Variants in RETREG1 observed in about 807,000 individuals in gnomAD.
RETREG1 encodes reticulophagy regulator 1.
In RETREG1, 44 loss-of-function variants were observed where a neutral mutation model predicts 54.8. The ratio of observed to expected loss-of-function variants is 0.80; its 90% CI spans 0.63 to 1.03. The LOEUF (loss-of-function observed/expected upper bound fraction) is 1.03, where lower values mean the gene tolerates loss of function less well. Among genes scored for constraint, RETREG1 ranks in the 50% least tolerant of loss-of-function variants. The pLI is 0.00. For missense variants in RETREG1, 554 were observed against 605.1 expected (o/e 0.92, Z 0.89); for synonymous variants, 217 against 238.5 (o/e 0.91, Z 0.83).
intron 3 of RETREG1, among the ~76,000 whole-genome samples, chr5:16,522,844 A>T (rs1740578401): frequency 6.6e-6 from 1 of 152,060 alleles, no homozygotes; most frequent in Non-Finnish European, 1.5e-5. Flanking sequence ...ATCTCTTCAA[A>T]AATTTTAAAA....
chr5:16,616,040 TAAA>T (rs1445772387), intron 1 of RETREG1: 1 of 152,212 alleles, frequency 6.6e-6, no homozygotes, highest in Non-Finnish European at 1.5e-5. Context: ...GTACTTCACC[TAAA>T]AATATGCCTG....
In RETREG1 at chr5:16,594,396, A is replaced by G. The variant is rs1463994723; in HGVS notation, c.320+22256T>C. On this transcript the variant is annotated intron_variant, in intron 1 of 8. Coordinates refer to ENST00000306320, the MANE Select transcript of RETREG1 (RefSeq NM_001034850.3). The surrounding 1 kb of genome is among the most constrained non-coding windows in gnomAD (Gnocchi z 4.4). Reference sequence around the variant, plus strand: ...TTGTTAAATATCTTTAAATATGTAGACAACTTTTATAAGAAAAAAAGTTAA... The same window carrying G: ...TTGTTAAATATCTTTAAATATGTAGGCAACTTTTATAAGAAAAAAAGTTAA... 6.6e-6 allele frequency among the ~76,000 whole-genome samples: 1 copy of G among 152,196 alleles called. No individual in the cohort carries two copies. The highest frequency in any genetic ancestry group is 2.4e-5 in the African/African-American group (1 of 41,440).
chr5:16,532,379 G>T (rs1740941932), intron 3 of RETREG1, among the ~76,000 whole-genome samples: 1 of 152,154 alleles, frequency 6.6e-6, no homozygotes. Flanking sequence ...GCAAACATTT[G>T]CTGGGCATGG....
rs1019824042 is a variant in RETREG1, at chr5:16,474,628, A to C, written c.*113T>G. 12 of 1,315,472 alleles carry C rather than the reference A, an allele frequency of 9.1e-6. No homozygotes were observed. The African/African-American group carries it at 1.5e-4, about 16-fold the overall frequency. The allele number at this position is 1,315,472 out of a possible 1,614,324, so 81.5% of individuals were successfully genotyped here. ...GCAGGAGGGAAAATAAAACAAATCT[A>C]AAGTAATCATTAAAGCTTACAGTTC... On this transcript the variant is annotated 3_prime_UTR_variant, in exon 9 of 9. Coordinates refer to ENST00000306320, the MANE Select transcript of RETREG1 (RefSeq NM_001034850.3).
chr5:16,550,451 C>G (rs1415956744), intron 3 of RETREG1, among the ~76,000 whole-genome samples: 3 of 152,156 alleles, frequency 2.0e-5, no homozygotes, highest in Non-Finnish European at 4.4e-5. Context: ...CGTCAATTTT[C>G]CAATATTTAT....
At chr5:16,525,832 C>T (rs987998591) in intron 3 of RETREG1, among the ~76,000 whole-genome samples, 4 of 151,938 alleles carry the variant, frequency 2.6e-5, no homozygotes, top group Non-Finnish European at 5.9e-5. Flanking sequence ...GAAGTCTGCA[C>T]GGTAGGCCAA....
chr5:16,517,991 T>G (rs1740412301), intron 3 of RETREG1, among the ~76,000 whole-genome samples: 1 of 151,458 alleles, frequency 6.6e-6, no homozygotes, highest in Non-Finnish European at 1.5e-5. Context: ...CTAATATAGT[T>G]AGTAAAAGAG....
intron 3 of RETREG1, chr5:16,508,768 C>T (rs1284579582): frequency 2.0e-6 from 3 of 1,499,386 alleles, no homozygotes; most frequent in African/African-American, 1.4e-5. Flanking sequence ...AAAAAAAGTG[C>T]TCCTCCCTTA....
intron 3 of RETREG1, among the ~76,000 whole-genome samples, chr5:16,550,103 CA>C (rs948718237): frequency 1.3e-5 from 2 of 152,186 alleles, no homozygotes; most frequent in Non-Finnish European, 1.5e-5. Context: ...TAACCTTCAA[CA>C]GAACTAATAA....
At chr5:16,595,904 G>A (rs1404488391) in intron 1 of RETREG1, among the ~76,000 whole-genome samples, 5 of 152,164 alleles carry the variant, frequency 3.3e-5, no homozygotes, top group Non-Finnish European at 7.3e-5. Context: ...GGCCAATACA[G>A]TAAAGTTCCC....
chr5:16,613,522 G>A (rs890871082), intron 1 of RETREG1, among the ~76,000 whole-genome samples: 10 of 152,160 alleles, frequency 6.6e-5, no homozygotes, highest in African/African-American at 2.4e-4. Flanking sequence ...TTACGGCTGT[G>A]TCACAATTTT....
At chr5:16,541,250 T>C (rs1741234551) in intron 3 of RETREG1, among the ~76,000 whole-genome samples, 1 of 152,192 alleles carries the variant, frequency 6.6e-6, no homozygotes, top group African/African-American at 2.4e-5. Flanking sequence ...TGATCTTGGA[T>C]TTCCCAGCCT....
intron 1 of RETREG1, among the ~76,000 whole-genome samples, chr5:16,608,342 G>A (rs1743251503): frequency 1.3e-5 from 2 of 152,132 alleles, no homozygotes; most frequent in Non-Finnish European, 2.9e-5. Context: ...GACCCTCAGT[G>A]TGAGTCAGGA....
intron 1 of RETREG1, among the ~76,000 whole-genome samples, chr5:16,615,548 G>T (rs150896650): frequency 1.3e-5 from 2 of 151,866 alleles, no homozygotes; most frequent in African/African-American, 4.8e-5. Context: ...TTGAGTGCTC[G>T]CATTCACTCC....
chr5:16,599,413 A>G (rs1201686472), intron 1 of RETREG1, among the ~76,000 whole-genome samples: 1 of 152,192 alleles, frequency 6.6e-6, no homozygotes, highest in Non-Finnish European at 1.5e-5. Flanking sequence ...AAATCTATAA[A>G]GTGCTGCACT....
chr5:16,547,837 G>T (rs1179819685), intron 3 of RETREG1, among the ~76,000 whole-genome samples: 2 of 152,128 alleles, frequency 1.3e-5, no homozygotes, highest in African/African-American at 4.8e-5. Context: ...GAAAGAGGGA[G>T]AAATAATCAG....
In RETREG1 at chr5:16,482,026, T is replaced by C. The variant is rs541956511; in HGVS notation, c.586-933A>G. On this transcript the variant is annotated intron_variant, in intron 4 of 8. Transcript: ENST00000306320. ...ACCTCTGACCAATAACTGATGATGA[T>C]AAAGAGCAAAGGGGTCTAAATCTAA... Among the ~76,000 whole-genome samples, 90 of 152,088 alleles carry C rather than the reference T, an allele frequency of 5.9e-4. No individual in the cohort carries two copies. The South Asian group carries it at 0.011, about 18-fold the overall frequency.
At chr5:16,523,379 T>G (rs978561438) in intron 3 of RETREG1, among the ~76,000 whole-genome samples, 1 of 152,198 alleles carries the variant, frequency 6.6e-6, no homozygotes, top group African/African-American at 2.4e-5. Flanking sequence ...TCAGTTATCA[T>G]GACCTTGACA....
At chr5:16,602,599 C>A (rs1579723132) in intron 1 of RETREG1, among the ~76,000 whole-genome samples, 1 of 152,130 alleles carries the variant, frequency 6.6e-6, no homozygotes, top group East Asian at 1.9e-4. Flanking sequence ...AATGCTTTAA[C>A]CCAAACTTCT....
Sources: gnomAD v4.1 joint callset for allele counts (sites outside exome capture counted in the v4.1 genomes callset) on GRCh38, gnomAD v4.1.1 for gene constraint, Gnocchi (gnomAD v3.1) non-coding constraint, MANE v1.5 for transcripts, NCBI Gene and HGNC (gene_info 2026-07-23, HGNC 2026-07-21) for gene names.